Variants in STK32B observed in about 807,000 individuals in gnomAD.
STK32B encodes serine/threonine-protein kinase 32B.
Under a neutral mutation model 52.6 loss-of-function variants are expected in STK32B, and 43 were observed. The observed-to-expected ratio is 0.82, with a 90% CI of 0.64 to 1.05. The LOEUF (loss-of-function observed/expected upper bound fraction) is 1.05. Among genes scored for constraint, STK32B ranks in the 50% least tolerant of loss-of-function variants. The pLI, the probability that STK32B is intolerant of heterozygous loss-of-function variation, is 0.00. For missense variants in STK32B, 621 were observed against 534.6 expected, an observed-to-expected ratio of 1.16 and a Z score of -1.59; for synonymous variants, 238 against 204.3, an observed-to-expected ratio of 1.17 and a Z score of -1.41.
At chr4:5,241,702 A>T (rs567766991) in intron 3 of STK32B, among the ~76,000 whole-genome samples, 4 of 152,116 alleles carry the variant, frequency 2.6e-5, no homozygotes, top group South Asian at 2.1e-4. Flanking sequence ...CATTAGGTAT[A>T]TCTCCTAATG....
At chr4:5,310,105 G>A (rs1730191967) in intron 3 of STK32B, among the ~76,000 whole-genome samples, 1 of 152,132 alleles carries the variant, frequency 6.6e-6, no homozygotes. Flanking sequence ...GGCGGAGACT[G>A]CAGTGAGCCC....
At chr4:5,139,008 C>T (rs890747186) in intron 1 of STK32B, among the ~76,000 whole-genome samples, 5 of 152,122 alleles carry the variant, frequency 3.3e-5, no homozygotes, top group Admixed American at 6.5e-5. Flanking sequence ...CAAGCAAGAT[C>T]ACTCGGCTCC....
intron 5 of STK32B, among the ~76,000 whole-genome samples, chr4:5,409,361 G>T (rs995009720): frequency 6.6e-6 from 1 of 152,132 alleles, no homozygotes; most frequent in African/African-American, 2.4e-5. Flanking sequence ...AGTAGGGAAA[G>T]CGTTGCAAAA....
At position 5,460,166 on chromosome 4, in the gene STK32B, T is replaced by C. The variant is rs139327793; in HGVS notation, c.847T>C (p.Leu283=). The change falls in exon 9 of 12, where the codon TTG becomes CTG. Residue 283 remains leucine (L), a synonymous_variant. Coordinates refer to ENST00000282908, the MANE Select transcript of STK32B (RefSeq NM_018401.3). The surrounding 1 kb of genome is among the most constrained non-coding windows in gnomAD (Gnocchi z 4.8). The part of the protein sequence containing the change: ...SLHDIQSVPY[L]ADMNWDAVFK... ...TCATGACATACAGAGCGTGCCCTAC[T>C]TGGCCGACATGAACTGGGACGCGGT... 26 of 1,614,184 alleles carry C rather than the reference T, an allele frequency of 1.6e-5. No homozygotes were observed. The highest frequency in any genetic ancestry group is 2.0e-5 in the Non-Finnish European group (24 of 1,180,024).
In STK32B at chr4:5,168,341, A is replaced by G. The variant is rs769518247; in HGVS notation, c.151A>G (p.Met51Val). The change falls in exon 3 of 12, where the codon ATG (methionine) becomes GTG (valine). Residue 51 changes from methionine to valine, a missense_variant. Met to Val is a conservative substitution (Grantham distance 21). Transcript: ENST00000282908. ...QKRDTKKMYA[M>V]KYMNKQKCIE... ...GCGAGACACTAAGAAAATGTATGCA[A>G]TGAAGTACATGAACAAGCAGAAGTG... 18 of 1,613,780 alleles carry G rather than the reference A, an allele frequency of 1.1e-5. No individual in the cohort carries two copies. The highest frequency in any genetic ancestry group is 2.2e-5 in the East Asian group (1 of 44,828).
At chr4:5,231,796 C>G (rs1724289145) in intron 3 of STK32B, among the ~76,000 whole-genome samples, 1 of 152,082 alleles carries the variant, frequency 6.6e-6, no homozygotes, top group Non-Finnish European at 1.5e-5. Flanking sequence ...AGAAACCTGA[C>G]TCTGAAGAGT....
chr4:5,095,157 G>A (rs4293744), intron 1 of STK32B, among the ~76,000 whole-genome samples: 143,230 of 152,174 alleles, frequency 0.94, 68,003 homozygotes, highest in East Asian at 1. Context: ...GGACATTTTC[G>A]TGAGGATTTA....
intron 1 of STK32B, among the ~76,000 whole-genome samples, chr4:5,084,388 C>A (rs931468530): frequency 6.6e-6 from 1 of 151,990 alleles, no homozygotes; most frequent in African/African-American, 2.4e-5. Context: ...GGTTAATAAC[C>A]TAGATAGTTA....
intron 3 of STK32B, among the ~76,000 whole-genome samples, chr4:5,250,267 A>AAAGGTAG (rs1422327659): frequency 3.9e-5 from 6 of 151,938 alleles, no homozygotes; most frequent in African/African-American, 7.3e-5. Flanking sequence ...GTATATACCC[A>AAAGGTAG]AAGGTAGAAT....
chr4:5,162,231 A>G (rs1399857241), intron 2 of STK32B, among the ~76,000 whole-genome samples: 2 of 152,184 alleles, frequency 1.3e-5, no homozygotes, highest in African/African-American at 4.8e-5. Flanking sequence ...CTGACCATAA[A>G]GGACACTGTG....
chr4:5,082,155 G>T (rs562845768), intron 1 of STK32B, among the ~76,000 whole-genome samples: 1 of 151,786 alleles, frequency 6.6e-6, no homozygotes, highest in African/African-American at 2.4e-5. Flanking sequence ...TCTTAAGATT[G>T]TGTTCTTAAT....
intron 3 of STK32B, among the ~76,000 whole-genome samples, chr4:5,294,342 G>A (rs1221340050): frequency 3.3e-5 from 5 of 151,978 alleles, no homozygotes. Flanking sequence ...GAATAGCATT[G>A]AATCTATAAA....
chr4:5,314,464 G>T (rs961007562), intron 3 of STK32B, among the ~76,000 whole-genome samples: 3 of 152,186 alleles, frequency 2.0e-5, no homozygotes, highest in Admixed American at 6.5e-5. Flanking sequence ...GAGGTCAACA[G>T]TTCAAGACCA....
At chr4:5,372,466 A>G (rs889224402) in intron 4 of STK32B, among the ~76,000 whole-genome samples, 1 of 152,262 alleles carries the variant, frequency 6.6e-6, no homozygotes, top group East Asian at 1.9e-4. Context: ...TCACTCCCTT[A>G]GCACACATTC....
chr4:5,138,853 C>G (rs770190338), intron 1 of STK32B, among the ~76,000 whole-genome samples: 17 of 152,278 alleles, frequency 1.1e-4, no homozygotes, highest in Non-Finnish European at 2.5e-4. Flanking sequence ...AGTAGCTGCT[C>G]TCACGTGTCT....
Position 5,336,898 on chromosome 4 carries a change from C to T in STK32B, c.434+5505C>T, listed in dbSNP as rs188932197. Among the ~76,000 whole-genome samples, 373 of 152,310 alleles carry T rather than the reference C, an allele frequency of 2.4e-3. 2 individuals are homozygous for T. The highest frequency in any genetic ancestry group is 8.6e-3 in the African/African-American group (358 of 41,564). On this transcript the variant is annotated intron_variant, in intron 4 of 11. Transcript: ENST00000282908. ...AACAGACACATACCAAAACAAATGTCAGATCTGATAAGCTTCCAGAGAAGA... is the reference window on the plus strand; with the variant it reads ...AACAGACACATACCAAAACAAATGTTAGATCTGATAAGCTTCCAGAGAAGA...
intron 1 of STK32B, among the ~76,000 whole-genome samples, chr4:5,076,120 C>T (rs1712055621): frequency 6.6e-6 from 1 of 152,088 alleles, no homozygotes; most frequent in East Asian, 1.9e-4. Context: ...ATGTCTATTA[C>T]CATTTCATTG....
At chr4:5,314,727 T>C (rs183794498) in intron 3 of STK32B, among the ~76,000 whole-genome samples, 3 of 152,162 alleles carry the variant, frequency 2.0e-5, no homozygotes, top group Non-Finnish European at 4.4e-5. Flanking sequence ...GCTATAAAAC[T>C]TTTGAGAAAA....
chr4:5,045,811 G>GA, the STK32B span, among the ~76,000 whole-genome samples: 1 of 152,120 alleles, frequency 6.6e-6, no homozygotes, highest in Admixed American at 6.5e-5. Context: ...TTGGGGCTGA[G>GA]ATGATGGGGT....
Sources: gnomAD v4.1 joint callset for allele counts (sites outside exome capture counted in the v4.1 genomes callset) on GRCh38, gnomAD v4.1.1 for gene constraint, Gnocchi (gnomAD v3.1) non-coding constraint, MANE v1.5 for transcripts, NCBI Gene and HGNC (gene_info 2026-07-23, HGNC 2026-07-21) for gene names.